Variants in UTS2B observed in about 807,000 individuals in gnomAD.
UTS2B encodes the protein urotensin-2B.
Under a neutral mutation model 19.2 loss-of-function variants are expected in UTS2B, and 21 were observed. That is an observed-to-expected ratio of 1.09 (90% CI 0.78 to 1.58). The LOEUF (loss-of-function observed/expected upper bound fraction) is 1.58, where lower values mean the gene tolerates loss of function less well. Ranked by LOEUF, UTS2B falls within the 40% of genes most tolerant of loss-of-function variation. The pLI, the probability that UTS2B is intolerant of heterozygous loss-of-function variation, is 0.00. For synonymous variants in UTS2B, 57 were observed against 50.2 expected, an observed-to-expected ratio of 1.14 and a Z score of -0.58; for missense variants, 138 against 130.3, an observed-to-expected ratio of 1.06 and a Z score of -0.29.
intron 4 of UTS2B, among the ~76,000 whole-genome samples, chr3:191,288,743 A>G (rs752622896): frequency 2.6e-5 from 4 of 152,156 alleles, no homozygotes; most frequent in Non-Finnish European, 5.9e-5. Context: ...TTGAAGCTGT[A>G]TATCACTATT....
intron 4 of UTS2B, among the ~76,000 whole-genome samples, chr3:191,290,591 A>C (rs953010873): frequency 5.3e-5 from 8 of 152,230 alleles, no homozygotes; most frequent in Non-Finnish European, 8.8e-5. Flanking sequence ...GGAAACACAG[A>C]GATAGAAAAT....
At chr3:191,301,038 C>T (rs1716985069) in intron 4 of UTS2B, among the ~76,000 whole-genome samples, 1 of 152,164 alleles carries the variant, frequency 6.6e-6, no homozygotes, top group Non-Finnish European at 1.5e-5. Context: ...TGTGTGCATT[C>T]CATTTTATCA....
rs903457002 is a variant in UTS2B at position 191,327,600 on chromosome 3, G to A, written c.-586+1031C>T. 3.9e-5 allele frequency among the ~76,000 whole-genome samples: 6 copies of A among 152,142 alleles called. No homozygotes were observed. In the South Asian group the frequency reaches 1.0e-3, roughly 26 times the overall value. On this transcript the variant is annotated intron_variant, in intron 2 of 8. Coordinates refer to ENST00000340524, the MANE Select transcript of UTS2B (RefSeq NM_198152.5). ...GGACAGGACTGTGGCCAAAATTTTG[G>A]GTTAAAGGAAAGAAGAATACTCTGA...
the UTS2B span, among the ~76,000 whole-genome samples, chr3:191,337,762 G>A: frequency 1.3e-5 from 2 of 151,978 alleles, no homozygotes; most frequent in East Asian, 3.9e-4. Context: ...TCTGAGTAAG[G>A]GTCTGTGGGG....
chr3:191,275,427 T>C, intron 7 of UTS2B, 82 bp from the exon 8 acceptor site: 1 of 1,095,426 alleles, frequency 9.1e-7, no homozygotes, highest in South Asian at 1.3e-5. Flanking sequence ...ATGCCTGTAA[T>C]CCCAGCACTT....
At chr3:191,268,510 G>A in intron 8 of UTS2B, 69 bp from the exon 9 acceptor site, 22 of 1,116,542 alleles carry the variant, frequency 2.0e-5, no homozygotes, top group South Asian at 7.4e-5. Context: ...TGAATCAATA[G>A]CTTATGTGTG....
At chr3:191,341,865 A>G in the UTS2B span, among the ~76,000 whole-genome samples, 21 of 152,334 alleles carry the variant, frequency 1.4e-4, no homozygotes, top group African/African-American at 5.1e-4. Context: ...GGCTTCCTCA[A>G]GTCTGCTGTG....
chr3:191,333,901 A>G (rs916896957), upstream of UTS2B, among the ~76,000 whole-genome samples: 2 of 152,154 alleles, frequency 1.3e-5, no homozygotes, highest in African/African-American at 4.8e-5. Flanking sequence ...TGTCTTGTAA[A>G]TAGAATTCAT....
At chr3:191,323,220 G>T (rs1717656705) in intron 2 of UTS2B, among the ~76,000 whole-genome samples, 1 of 151,860 alleles carries the variant, frequency 6.6e-6, no homozygotes, top group African/African-American at 2.4e-5. Flanking sequence ...GCAGAGTTTT[G>T]CTCTGTTGCC....
At chr3:191,289,160 AGC>A (rs1716636994) in intron 4 of UTS2B, among the ~76,000 whole-genome samples, 1 of 152,172 alleles carries the variant, frequency 6.6e-6, no homozygotes, top group African/African-American at 2.4e-5. Context: ...CTGTAATCCC[AGC>A]ACTTTGGGAG....
At chr3:191,273,107 G>T (rs1024151527) in intron 8 of UTS2B, among the ~76,000 whole-genome samples, 5 of 152,206 alleles carry the variant, frequency 3.3e-5, no homozygotes, top group Admixed American at 2.6e-4. Context: ...GGCAGAGGTT[G>T]CAGTGAGCCG....
At chr3:191,343,490 G>A in the UTS2B span, among the ~76,000 whole-genome samples, 14 of 152,106 alleles carry the variant, frequency 9.2e-5, no homozygotes, top group African/African-American at 2.4e-4. Context: ...GTTTAATTAC[G>A]AAATTTTATA....
intron 4 of UTS2B, among the ~76,000 whole-genome samples, chr3:191,291,477 G>C (rs1285226303): frequency 1.3e-5 from 2 of 150,910 alleles, no homozygotes; most frequent in Non-Finnish European, 2.9e-5. Context: ...TTTTGAGACA[G>C]AGTCTCACTC....
At chr3:191,274,890 T>C (rs909267413) in intron 8 of UTS2B, among the ~76,000 whole-genome samples, 32 of 152,260 alleles carry the variant, frequency 2.1e-4, no homozygotes, top group Non-Finnish European at 4.3e-4. Flanking sequence ...CAACGAAGTT[T>C]CCCCTTATGT....
At chr3:191,315,879 T>C (rs1161151039) in intron 3 of UTS2B, among the ~76,000 whole-genome samples, 157 bp downstream of exon 3, 1 of 152,256 alleles carries the variant, frequency 6.6e-6, no homozygotes, top group Non-Finnish European at 1.5e-5. Flanking sequence ...GTAAACATGC[T>C]GCCATATTTG....
At chr3:191,293,868 G>A (rs1716781990) in intron 4 of UTS2B, among the ~76,000 whole-genome samples, 1 of 151,770 alleles carries the variant, frequency 6.6e-6, no homozygotes. Context: ...GAAGCCGGGG[G>A]TGGGGGAGTC....
intron 3 of UTS2B, among the ~76,000 whole-genome samples, chr3:191,313,426 T>C (rs1383811866): frequency 1.3e-5 from 2 of 152,186 alleles, no homozygotes; most frequent in Non-Finnish European, 2.9e-5. Flanking sequence ...CCCAGATTCA[T>C]GGGATGCTTA....
At chr3:191,335,839 G>T in the UTS2B span, among the ~76,000 whole-genome samples, 1 of 151,952 alleles carries the variant, frequency 6.6e-6, no homozygotes, top group Non-Finnish European at 1.5e-5. Context: ...TTAGTGTGTA[G>T]TTCTGAGTTT....
At chr3:191,321,224 T>C (rs183136146) in intron 2 of UTS2B, among the ~76,000 whole-genome samples, 303 of 152,260 alleles carry the variant, frequency 2.0e-3, no homozygotes, top group African/African-American at 7.1e-3. Flanking sequence ...TGGTTAGTTT[T>C]TATGTACAGT....
Sources: gnomAD v4.1 joint callset for allele counts (sites outside exome capture counted in the v4.1 genomes callset) on GRCh38, gnomAD v4.1.1 for gene constraint, MANE v1.5 for transcripts, NCBI Gene and HGNC (gene_info 2026-07-23, HGNC 2026-07-21) for gene names.